Variants in QRFPR observed in about 807,000 individuals in gnomAD.
QRFPR encodes the protein pyroglutamylated RF-amide peptide receptor.
QRFPR carries 37 observed loss-of-function variants against 31.3 expected under a neutral mutation model. That is an observed-to-expected ratio of 1.18 (90% CI 0.91 to 1.56). The LOEUF is 1.56. Ranked by LOEUF, QRFPR falls within the 40% of genes most tolerant of loss-of-function variation. The pLI is 0.00. For synonymous variants in QRFPR, 197 were observed against 192.0 expected (o/e 1.03, Z -0.22); for missense variants, 542 against 532.5 (o/e 1.02, Z -0.18).
At chr4:121,350,023 G>A (rs1347802156) in intron 1 of QRFPR, among the ~76,000 whole-genome samples, 1 of 152,194 alleles carries the variant, frequency 6.6e-6, no homozygotes, top group Non-Finnish European at 1.5e-5. Context: ...AAAGTGGAAA[G>A]GGAAGGATGG....
At position 121,329,411 on chromosome 4, in the gene QRFPR, A is replaced by G. The variant is rs1407825858; in HGVS notation, c.1199T>C (p.Leu400Ser). Residue 400 changes from leucine (L) to serine (S), a missense_variant, in exon 6 of 6, where the codon TTG (leucine) becomes TCG (serine). Leu to Ser is a moderately radical substitution (Grantham distance 145). Transcript: ENST00000394427. The stretch of plus-strand genomic sequence containing the variant: ...TTTCTTCTCCTCTGTCTGTTCACAC[A>G]ATTTGACTTCAATGTTGCCATCACT... ...AFSDGNIEVK[L>S]CEQTEEKKKL... 4 of 1,614,102 alleles carry G rather than the reference A, an allele frequency of 2.5e-6. No individual in the cohort carries two copies. The highest frequency in any genetic ancestry group is 1.7e-5 in the Admixed American group (1 of 60,022).
chr4:121,354,379 A>G (rs1166792030), intron 1 of QRFPR, among the ~76,000 whole-genome samples: 1 of 151,868 alleles, frequency 6.6e-6, no homozygotes, highest in Non-Finnish European at 1.5e-5. Context: ...TGTCCTCTTC[A>G]GTTTCTTTCA....
intron 4 of QRFPR, 107 bp downstream of exon 4, chr4:121,332,714 G>A (rs1436011687): frequency 2.5e-6 from 2 of 787,292 alleles, no homozygotes; most frequent in East Asian, 2.7e-5. Context: ...AATTGCAAAG[G>A]ATGCTTAGAC....
intron 1 of QRFPR, among the ~76,000 whole-genome samples, chr4:121,353,034 G>A (rs1318364285): frequency 6.6e-6 from 1 of 151,904 alleles, no homozygotes; most frequent in African/African-American, 2.4e-5. Context: ...ATGCTGTTCT[G>A]AATAACAGAA....
intron 4 of QRFPR, 101 bp downstream of exon 4, chr4:121,332,720 T>C (rs1725351656): frequency 3.6e-6 from 3 of 840,918 alleles, no homozygotes; most frequent in Non-Finnish European, 5.6e-6. Flanking sequence ...AAAGGATGCT[T>C]AGACTAAATT....
intron 1 of QRFPR, among the ~76,000 whole-genome samples, chr4:121,342,004 A>G (rs1401843248): frequency 1.3e-5 from 2 of 152,218 alleles, no homozygotes; most frequent in Non-Finnish European, 2.9e-5. Context: ...GATAGCTAGC[A>G]AAATGTACTT....
Position 121,329,133 on chromosome 4 carries a change from A to G in QRFPR, c.*181T>C, listed in dbSNP as rs1725270254. The G allele has an allele frequency of 1.9e-6, 1 of 518,052 alleles. No homozygotes were observed. Among genetic ancestry groups the G allele is most frequent in the Non-Finnish European group, 3.3e-6 (1 of 300,710 alleles). The allele number at this position is 518,052 out of a possible 1,614,324, so 32.1% of individuals were successfully genotyped here. A position where few individuals can be genotyped will look rare whatever the true frequency, so the allele number is the denominator to read the frequency against. On this transcript the variant is annotated 3_prime_UTR_variant, in exon 6 of 6. Coordinates refer to ENST00000394427, the MANE Select transcript of QRFPR (RefSeq NM_198179.3). Reference sequence around the variant, plus strand: ...CACAGAAATCTGTTAAATGATTGTGATCAATTGGTTGTAAACATCACTGCA... The same window carrying G: ...CACAGAAATCTGTTAAATGATTGTGGTCAATTGGTTGTAAACATCACTGCA...
chr4:121,380,806 T>C lies in QRFPR; in HGVS notation c.-159A>G. 1.6e-6 allele frequency: 1 copy of C among 636,798 alleles called. No individual in the cohort carries two copies. The highest frequency in any genetic ancestry group is 2.7e-6 in the Non-Finnish European group (1 of 377,244). 39.4% of individuals were successfully genotyped at this position (636,798 alleles called of 1,614,324 possible). A position where few individuals can be genotyped will look rare whatever the true frequency, so the allele number is the denominator to read the frequency against. ...GGGCTCTAGGCTGCACCCCGGGAGG[T>C]TCGGGAAAGGAGAGCAGCTCAGGGA... On this transcript the variant is annotated 5_prime_UTR_variant, in exon 1 of 6. Transcript: ENST00000394427.
intron 1 of QRFPR, among the ~76,000 whole-genome samples, chr4:121,359,280 T>C (rs993951434): frequency 1.3e-5 from 2 of 152,150 alleles, no homozygotes; most frequent in African/African-American, 4.8e-5. Context: ...CTTGATTGGA[T>C]TGAAGGATGC....
chr4:121,337,018 C>T, intron 2 of QRFPR, 150 bp from the exon 3 acceptor site: 1 of 724,062 alleles, frequency 1.4e-6, no homozygotes, highest in Non-Finnish European at 2.5e-6. Flanking sequence ...CATGCTTCCA[C>T]TCTTTCACCA....
intron 4 of QRFPR, among the ~76,000 whole-genome samples, chr4:121,331,329 G>A (rs1052817673): frequency 6.6e-6 from 1 of 151,186 alleles, no homozygotes; most frequent in Non-Finnish European, 1.5e-5. Flanking sequence ...GACCACAGGT[G>A]CATGCCACTA....
intron 2 of QRFPR, 149 bp downstream of exon 2, chr4:121,340,303 G>T: frequency 1.2e-6 from 1 of 801,270 alleles, no homozygotes; most frequent in Non-Finnish European, 2.0e-6. Flanking sequence ...GGAGATGAAG[G>T]CAAACAGGGA....
At chr4:121,377,175 T>C (rs1279514922) in intron 1 of QRFPR, among the ~76,000 whole-genome samples, 1 of 152,172 alleles carries the variant, frequency 6.6e-6, no homozygotes, top group Non-Finnish European at 1.5e-5. Flanking sequence ...AAAATCTGTA[T>C]TCCCAGCTTT....
chr4:121,380,203 GA>G (rs1480035078), intron 1 of QRFPR, 104 bp downstream of exon 1: 85 of 264,494 alleles, frequency 3.2e-4, no homozygotes, highest in Middle Eastern at 6.2e-4. Context: ...GAGAGAGAGA[GA>G]GAGAGAGAGA....
rs775622291 is a variant in QRFPR at position 121,330,495 on chromosome 4, C to T, written c.826G>A (p.Val276Met). Residue 276 changes from valine (V) to methionine (M), a missense_variant, in exon 5 of 6, where the codon GTG becomes ATG. Val to Met is a conservative substitution (Grantham distance 21). Transcript: ENST00000394427. ...RKKKRAVIMM[V>M]TVVALFAVCW... ...ACAGCAAAGAGAGCCACCACTGTCA[C>T]CATCATAATGACAGCTCGTTTCTTC... The T allele has an allele frequency of 3.7e-6, 6 of 1,613,832 alleles. No individual in the cohort carries two copies. The highest frequency in any genetic ancestry group is 4.2e-6 in the Non-Finnish European group (5 of 1,179,746).
intron 1 of QRFPR, among the ~76,000 whole-genome samples, chr4:121,343,422 T>G (rs1031629220): frequency 2.0e-5 from 3 of 152,224 alleles, no homozygotes; most frequent in African/African-American, 7.2e-5. Flanking sequence ...TCACTTCTAT[T>G]CCTTGTTACA....
intron 4 of QRFPR, among the ~76,000 whole-genome samples, chr4:121,332,272 T>A (rs1356953935): frequency 1.3e-5 from 2 of 152,090 alleles, no homozygotes; most frequent in Non-Finnish European, 2.9e-5. Flanking sequence ...TTTCTATTAA[T>A]GAATAAATTC....
rs549720760 is a variant in QRFPR at position 121,379,490 on chromosome 4, C to T, written c.340+818G>A. Reference sequence around the variant, plus strand: ...GGTGAGAATACAACACACTACTGCTCCTGGGTTTACACCAGGGCATTCTCC... The same window carrying T: ...GGTGAGAATACAACACACTACTGCTTCTGGGTTTACACCAGGGCATTCTCC... On this transcript the variant is annotated intron_variant, in intron 1 of 5. Coordinates refer to ENST00000394427, the MANE Select transcript of QRFPR (RefSeq NM_198179.3). Among the ~76,000 whole-genome samples, 25 of 152,332 alleles carry T rather than the reference C, an allele frequency of 1.6e-4. No homozygotes were observed. In the South Asian group the frequency reaches 3.3e-3, roughly 20 times the overall value.
chr4:121,342,717 G>A (rs1028692117), intron 1 of QRFPR, among the ~76,000 whole-genome samples: 3 of 148,654 alleles, frequency 2.0e-5, no homozygotes, highest in South Asian at 2.1e-4. Context: ...TATTTTTTTC[G>A]CTGATGTATT....
Sources: allele counts gnomAD v4.1 joint callset (sites outside exome capture counted in the v4.1 genomes callset), GRCh38; gene constraint gnomAD v4.1.1; transcripts MANE v1.5; gene names NCBI Gene and HGNC (gene_info 2026-07-23, HGNC 2026-07-21).